The following SUFU variants were observed in gnomAD, a reference collection of about 807,000 sequenced individuals.
The protein encoded by SUFU is suppressor of fused homolog.
A neutral mutation model predicts 58.9 loss-of-function variants in SUFU; 7 were observed. That is an observed-to-expected ratio of 0.12 (90% confidence interval 0.07 to 0.22). The LOEUF is 0.22. Among genes scored for constraint, SUFU ranks in the 10% least tolerant of loss-of-function variants. SUFU has a pLI of 1.00. For missense variants in SUFU, 451 were observed against 641.3 expected (o/e 0.70, Z 3.20); for synonymous variants, 232 against 254.8 (o/e 0.91, Z 0.85).
At chr10:102,585,756 C>T (rs774055953) in intron 3 of SUFU, among the ~76,000 whole-genome samples, 5 of 151,940 alleles carry the variant, frequency 3.3e-5, no homozygotes, top group Admixed American at 6.6e-5. Flanking sequence ...TGGCCTCAAG[C>T]GATCCTCTCA....
At chr10:102,602,226 T>C (rs1365402140) in intron 8 of SUFU, among the ~76,000 whole-genome samples, 2 of 152,198 alleles carry the variant, frequency 1.3e-5, no homozygotes, top group Non-Finnish European at 2.9e-5. Flanking sequence ...GAGAGGCTAA[T>C]AAGTATCTTT....
chr10:102,620,975 C>T (rs938737609), intron 10 of SUFU, among the ~76,000 whole-genome samples: 2 of 152,210 alleles, frequency 1.3e-5, no homozygotes, highest in Non-Finnish European at 2.9e-5. Context: ...ACCCAGGTTG[C>T]GCCCCTAGTC....
intron 2 of SUFU, among the ~76,000 whole-genome samples, chr10:102,512,792 T>C (rs2062416605): frequency 1.3e-5 from 2 of 152,308 alleles, no homozygotes; most frequent in South Asian, 4.1e-4. Context: ...AGGCTGCGCA[T>C]GGTGCCTCAT....
intron 8 of SUFU, among the ~76,000 whole-genome samples, chr10:102,606,760 A>T (rs920427341): frequency 1.3e-5 from 2 of 152,132 alleles, no homozygotes; most frequent in Non-Finnish European, 2.9e-5. Flanking sequence ...TAGCTGAGAG[A>T]GGCATACTAA....
intron 2 of SUFU, among the ~76,000 whole-genome samples, chr10:102,519,360 T>TA (rs1185888146): frequency 5.3e-5 from 8 of 150,198 alleles, no homozygotes; most frequent in Admixed American, 1.3e-4. Context: ...CCGTCTCTAC[T>TA]AAAAAAAACC....
At chr10:102,574,062 T>C (rs183464097) in intron 3 of SUFU, among the ~76,000 whole-genome samples, 3 of 152,332 alleles carry the variant, frequency 2.0e-5, no homozygotes, top group East Asian at 3.9e-4. Flanking sequence ...ATATCTTTAC[T>C]TTTGCCATAT....
chr10:102,606,941 C>T (rs568642949), intron 8 of SUFU, among the ~76,000 whole-genome samples: 126 of 152,186 alleles, frequency 8.3e-4, no homozygotes, highest in Admixed American at 2.4e-3. Flanking sequence ...GCAGCCAACT[C>T]AGGTGGGAGC....
intron 3 of SUFU, among the ~76,000 whole-genome samples, chr10:102,585,135 T>C (rs2063323390): frequency 6.6e-6 from 1 of 152,222 alleles, no homozygotes; most frequent in African/African-American, 2.4e-5. Flanking sequence ...ATTTTCTTTT[T>C]TAATAACAGA....
chr10:102,556,681 T>C (rs2062981716), intron 3 of SUFU, among the ~76,000 whole-genome samples: 1 of 125,572 alleles, frequency 8.0e-6, no homozygotes, highest in Non-Finnish European at 1.7e-5. Flanking sequence ...AGGCGGAGAT[T>C]GCAGTGAGCC....
At chr10:102,560,931 A>G (rs775990463) in intron 3 of SUFU, among the ~76,000 whole-genome samples, 20 of 151,630 alleles carry the variant, frequency 1.3e-4, no homozygotes, top group Non-Finnish European at 2.2e-4. Flanking sequence ...TCCGCCTCCC[A>G]GGTTCTCCTC....
At chr10:102,508,537 C>T (rs1248786984) in intron 1 of SUFU, among the ~76,000 whole-genome samples, 3 of 152,200 alleles carry the variant, frequency 2.0e-5, no homozygotes, top group Non-Finnish European at 4.4e-5. Flanking sequence ...CTGTGCAGAA[C>T]TAAGTTAAGC....
intron 3 of SUFU, among the ~76,000 whole-genome samples, chr10:102,571,643 T>C (rs989082929): frequency 1.3e-5 from 2 of 152,192 alleles, no homozygotes; most frequent in African/African-American, 4.8e-5. Flanking sequence ...TGAGTCAAGA[T>C]TGCGCCACTG....
rs2063496937 is a variant in SUFU at position 102,599,555 on chromosome 10, C to G, written c.1022+11C>G. 6.2e-7 allele frequency: 1 copy of G among 1,612,158 alleles called. No homozygotes were observed. Among genetic ancestry groups the G allele is most frequent in the Non-Finnish European group, 8.5e-7 (1 of 1,178,366 alleles). ...CCACGACCGGGCCCCGTAAGTTCCC[C>G]AGTGTCCCTGGGCTGGAACAAGAGG... On this transcript the variant is annotated intron_variant, in intron 8 of 11. Coordinates refer to ENST00000369902, the MANE Select transcript of SUFU (RefSeq NM_016169.4).
chr10:102,582,850 G>A (rs934078237), intron 3 of SUFU, among the ~76,000 whole-genome samples: 2 of 152,150 alleles, frequency 1.3e-5, no homozygotes, highest in Non-Finnish European at 2.9e-5. Context: ...CTGGAATGGC[G>A]ACGTTCTTTC....
chr10:102,558,975 C>T (rs1396227521), intron 3 of SUFU, among the ~76,000 whole-genome samples: 1 of 152,224 alleles, frequency 6.6e-6, no homozygotes, highest in African/African-American at 2.4e-5. Context: ...AGGGGCAATT[C>T]CAGGGTTGGC....
At chr10:102,542,747 C>T (rs2062816584) in intron 2 of SUFU, among the ~76,000 whole-genome samples, 1 of 151,962 alleles carries the variant, frequency 6.6e-6, no homozygotes, top group South Asian at 2.1e-4. Context: ...GCCTTAGCCT[C>T]CTGAGTAGCT....
intron 7 of SUFU, 27 bp downstream of exon 7, chr10:102,597,320 C>T (rs2063473890): frequency 6.2e-7 from 1 of 1,605,436 alleles, no homozygotes; most frequent in East Asian, 2.2e-5. Flanking sequence ...AGCATTCCAC[C>T]AGCCTTCCTC....
At chr10:102,546,835 G>C (rs1161939451) in intron 2 of SUFU, among the ~76,000 whole-genome samples, 2 of 152,242 alleles carry the variant, frequency 1.3e-5, no homozygotes, top group African/African-American at 2.4e-5. Context: ...GGCCGGGCCT[G>C]TCCCTCCCAC....
At chr10:102,561,578 A>G (rs1351032754) in intron 3 of SUFU, among the ~76,000 whole-genome samples, 1 of 151,924 alleles carries the variant, frequency 6.6e-6, no homozygotes, top group Non-Finnish European at 1.5e-5. Context: ...GTCCTTGAGA[A>G]TAGGTCCCCC....
Sources: gnomAD v4.1 joint callset for allele counts (sites outside exome capture counted in the v4.1 genomes callset) on GRCh38, gnomAD v4.1.1 for gene constraint, MANE v1.5 for transcripts, NCBI Gene and HGNC (gene_info 2026-07-23, HGNC 2026-07-21) for gene names.